Variants in COL25A1 observed in about 807,000 individuals in gnomAD.
COL25A1 encodes the protein collagen type XXV alpha 1 chain.
In COL25A1, 103 loss-of-function variants were observed where a neutral mutation model predicts 128.4. The observed-to-expected ratio is 0.80, with a 90% CI of 0.68 to 0.94. The LOEUF (loss-of-function observed/expected upper bound fraction) is 0.94. Among genes scored for constraint, COL25A1 ranks in the 40% least tolerant of loss-of-function variants. The probability of loss-of-function intolerance (pLI) is 0.00; values close to 1 mark genes in which losing one functional copy is unlikely to be tolerated. For synonymous variants in COL25A1, 279 were observed against 277.2 expected (o/e 1.01, Z -0.06); for missense variants, 745 against 840.0 (o/e 0.89, Z 1.40).
At chr4:108,889,634 AAGT>A in intron 17 of COL25A1, 64 bp downstream of exon 17, 1 of 1,383,344 alleles carries the variant, frequency 7.2e-7, no homozygotes, top group Non-Finnish European at 1.0e-6. Context: ...AAGGGAGAGA[AAGT>A]AGAGGCCTAT....
chr4:109,066,994 A>T (rs1411805016), intron 3 of COL25A1, among the ~76,000 whole-genome samples: 1 of 152,178 alleles, frequency 6.6e-6, no homozygotes, highest in Non-Finnish European at 1.5e-5. Flanking sequence ...TCACCATGTC[A>T]CTTTGATAAT....
At position 109,300,559 on chromosome 4, in the gene COL25A1, C is replaced by T. The variant is rs746978462; in HGVS notation, c.367+24G>A. 1.6e-5 allele frequency: 24 copies of T among 1,535,384 alleles called. 1 individual carries two copies. In the South Asian group the frequency reaches 2.6e-4, roughly 16 times the overall value. ...TAAAATGCTCTGCTCTGGAGGAAAC[C>T]TTGTTAAATAAGTTCCATTTTACCT... On this transcript the variant is annotated intron_variant, in intron 3 of 37. Transcript: ENST00000399132.
At chr4:109,079,187 T>C (rs1763629837) in intron 3 of COL25A1, among the ~76,000 whole-genome samples, 1 of 152,186 alleles carries the variant, frequency 6.6e-6, no homozygotes, top group Non-Finnish European at 1.5e-5. Flanking sequence ...TGAACTAAAG[T>C]AAAGCTTCAC....
chr4:109,077,429 C>T (rs1763471073), intron 3 of COL25A1, among the ~76,000 whole-genome samples: 1 of 151,426 alleles, frequency 6.6e-6, no homozygotes. Flanking sequence ...CTCTTCCCAC[C>T]ACCACCCCCC....
intron 3 of COL25A1, among the ~76,000 whole-genome samples, chr4:109,092,661 C>T (rs905639222): frequency 6.6e-6 from 1 of 152,160 alleles, no homozygotes; most frequent in African/African-American, 2.4e-5. Flanking sequence ...ACTGCTTAAA[C>T]TTGTCATTCT....
At chr4:109,130,686 G>A (rs1769114249) in intron 3 of COL25A1, among the ~76,000 whole-genome samples, 2 of 152,146 alleles carry the variant, frequency 1.3e-5, no homozygotes. Flanking sequence ...TTGATTTAGA[G>A]GAACCATGAG....
intron 3 of COL25A1, among the ~76,000 whole-genome samples, chr4:109,208,964 A>C (rs563912099): frequency 1.3e-5 from 2 of 152,324 alleles, no homozygotes; most frequent in Non-Finnish European, 2.9e-5. Context: ...TATAATAAAC[A>C]GTAGATAATT....
chr4:108,973,280 A>T (rs2125987311), intron 8 of COL25A1, among the ~76,000 whole-genome samples: 1 of 152,334 alleles, frequency 6.6e-6, no homozygotes, highest in African/African-American at 2.4e-5. Flanking sequence ...GCTTGAAGCT[A>T]GTCATCAGCC....
intron 3 of COL25A1, among the ~76,000 whole-genome samples, chr4:109,084,534 C>T (rs1331544833): frequency 3.3e-5 from 5 of 152,210 alleles, no homozygotes; most frequent in Non-Finnish European, 5.9e-5. Context: ...TTTATTTTCA[C>T]ATCACATACT....
chr4:108,965,222 G>A (rs555052616), intron 8 of COL25A1, among the ~76,000 whole-genome samples: 1 of 152,318 alleles, frequency 6.6e-6, no homozygotes, highest in Non-Finnish European at 1.5e-5. Context: ...AATACACTAG[G>A]AGGAGAAAGG....
chr4:109,244,132 TAGAA>T (rs1236726922), intron 3 of COL25A1, among the ~76,000 whole-genome samples: 3 of 134,272 alleles, frequency 2.2e-5, no homozygotes, highest in African/African-American at 8.9e-5. Flanking sequence ...TAAAGAGAAA[TAGAA>T]AGAAAGAAAA....
intron 10 of COL25A1, among the ~76,000 whole-genome samples, chr4:108,939,633 T>C (rs1242345509): frequency 6.6e-6 from 1 of 152,114 alleles, no homozygotes; most frequent in African/African-American, 2.4e-5. Flanking sequence ...TTCAAAAGTT[T>C]CTGCTTCGTG....
At chr4:108,842,600 C>T (rs1371753242) in intron 30 of COL25A1, among the ~76,000 whole-genome samples, 2 of 152,072 alleles carry the variant, frequency 1.3e-5, no homozygotes, top group Non-Finnish European at 2.9e-5. Flanking sequence ...TTACATATGT[C>T]CACATTAGAA....
intron 3 of COL25A1, among the ~76,000 whole-genome samples, chr4:109,282,073 T>C (rs985656859): frequency 1.3e-5 from 2 of 152,182 alleles, no homozygotes; most frequent in Non-Finnish European, 2.9e-5. Context: ...ACCAACCCAA[T>C]GGGAAAAATG....
intron 11 of COL25A1, among the ~76,000 whole-genome samples, chr4:108,928,164 C>T (rs1746291810): frequency 6.6e-6 from 1 of 152,202 alleles, no homozygotes. Flanking sequence ...AAAGGCCTAT[C>T]ACCCTACACT....
chr4:108,890,631 G>A (rs570076352), intron 16 of COL25A1, among the ~76,000 whole-genome samples: 8 of 152,100 alleles, frequency 5.3e-5, no homozygotes, highest in Non-Finnish European at 1.0e-4. Context: ...TATGCTAGAA[G>A]GAAAAAGAAA....
At chr4:109,053,031 ACTG>A (rs1761129447) in intron 3 of COL25A1, among the ~76,000 whole-genome samples, 2 of 152,156 alleles carry the variant, frequency 1.3e-5, no homozygotes, top group African/African-American at 4.8e-5. Context: ...TGCAAAAGAA[ACTG>A]GTTCAAGAAA....
At chr4:109,275,314 C>T (rs1722719614) in intron 3 of COL25A1, among the ~76,000 whole-genome samples, 1 of 152,208 alleles carries the variant, frequency 6.6e-6, no homozygotes, top group African/African-American at 2.4e-5. Context: ...AGCCTCTTCT[C>T]ACGAGCCATT....
intron 25 of COL25A1, 43 bp from the exon 26 acceptor site, chr4:108,852,323 T>G (rs1183870652): frequency 6.9e-7 from 1 of 1,457,476 alleles, no homozygotes; most frequent in African/African-American, 1.4e-5. Flanking sequence ...AGTAATTATA[T>G]GTATTAAAAT....
Sources: gnomAD v4.1 joint callset for allele counts (sites outside exome capture counted in the v4.1 genomes callset) on GRCh38, gnomAD v4.1.1 for gene constraint, MANE v1.5 for transcripts, NCBI Gene and HGNC (gene_info 2026-07-23, HGNC 2026-07-21) for gene names.